Variants in DNAJA2 observed in about 807,000 individuals in gnomAD.
DNAJA2 encodes the protein dnaJ homolog subfamily A member 2.
In DNAJA2, 6 loss-of-function variants were observed where a neutral mutation model predicts 49.3. The observed-to-expected ratio is 0.12, with a 90% CI of 0.07 to 0.24. The LOEUF is 0.24. Among genes scored for constraint, DNAJA2 ranks in the 10% least tolerant of loss-of-function variants. The pLI is 1.00. For synonymous variants in DNAJA2, 160 were observed against 172.7 expected (o/e 0.93, Z 0.58); for missense variants, 347 against 516.8 (o/e 0.67, Z 3.19).
intron 4 of DNAJA2, 130 bp from the exon 5 acceptor site, chr16:46,967,776 G>T: frequency 7.8e-7 from 1 of 1,287,944 alleles, no homozygotes; most frequent in Non-Finnish European, 1.1e-6. Context: ...ACTTCCAGAA[G>T]TATCAGAAAA....
chr16:46,968,384 G>A (rs1962003874), intron 3 of DNAJA2, among the ~76,000 whole-genome samples: 1 of 152,126 alleles, frequency 6.6e-6, no homozygotes, highest in African/African-American at 2.4e-5. Context: ...GATACCCAAA[G>A]CCAGAGCCTA....
At chr16:46,969,602 G>C (rs1962017954) in intron 3 of DNAJA2, among the ~76,000 whole-genome samples, 1 of 152,180 alleles carries the variant, frequency 6.6e-6, no homozygotes, top group African/African-American at 2.4e-5. Context: ...CAATTTAGTT[G>C]TATTTATCAG....
intron 3 of DNAJA2, 151 bp from the exon 4 acceptor site, chr16:46,968,315 G>T: frequency 1.8e-6 from 1 of 567,188 alleles, no homozygotes; most frequent in Non-Finnish European, 3.1e-6. Flanking sequence ...ATTAAACTGA[G>T]GCTTATATTA....
chr16:46,958,945 C>T, intron 8 of DNAJA2, 58 bp downstream of exon 8: 2 of 1,543,468 alleles, frequency 1.3e-6, no homozygotes, highest in Non-Finnish European at 1.7e-6. Flanking sequence ...GTCTAAAAAA[C>T]CAAAAACCGA....
At position 46,971,902 on chromosome 16, in the gene DNAJA2, T is replaced by C. The variant is rs778243787; in HGVS notation, c.132A>G (p.Gly44=). The change falls in exon 2 of 9, where the codon GGA becomes GGG. Residue 44 remains glycine, a synonymous_variant. Coordinates refer to ENST00000317089, the MANE Select transcript of DNAJA2 (RefSeq NM_005880.4). ...AAAGGTGCAAATAACTTACTTTGTC[T>C]CCTGCATTTGGATTCTTATCAGGAT... ...EYHPDKNPNA[G]DKFKEISFAY... is the part of the protein sequence containing the mutation. 6.2e-7 allele frequency: 1 copy of C among 1,612,060 alleles called. No homozygotes were observed. The highest frequency in any genetic ancestry group is 1.7e-4 in the Middle Eastern group (1 of 6,054).
At position 46,956,093 on chromosome 16, in the gene DNAJA2, T is replaced by C. The variant is rs1262955895; in HGVS notation, c.*936A>G. ...GTTCTATGCAGACATGGTTTTACTATAGATTTGCTGTTACCTTATTTTTTT... is the reference window on the plus strand; with the variant it reads ...GTTCTATGCAGACATGGTTTTACTACAGATTTGCTGTTACCTTATTTTTTT... On this transcript the variant is annotated 3_prime_UTR_variant, in exon 9 of 9. Coordinates refer to ENST00000317089, the MANE Select transcript of DNAJA2 (RefSeq NM_005880.4). 1.3e-5 allele frequency: 2 copies of C among 152,196 alleles called. No individual in the cohort carries two copies. Among genetic ancestry groups the C allele is most frequent in the South Asian group, 2.1e-4 (1 of 4,832 alleles). The allele number at this position is 152,196 out of a possible 1,614,324, so 9.4% of individuals were successfully genotyped here.
intron 8 of DNAJA2, 77 bp from the exon 9 acceptor site, chr16:46,957,297 T>C (rs1339840618): frequency 1.5e-6 from 2 of 1,351,882 alleles, no homozygotes; most frequent in Admixed American, 4.4e-5. Context: ...GAATCCAGTG[T>C]CTGTTTAAGA....
chr16:46,973,200 C>T (rs1339029767), intron 1 of DNAJA2, among the ~76,000 whole-genome samples: 2 of 152,158 alleles, frequency 1.3e-5, no homozygotes, highest in Non-Finnish European at 2.9e-5. Flanking sequence ...GGATACCAGC[C>T]CCCGGCGCTC....
chr16:46,964,677 T>C lies in DNAJA2; in HGVS notation c.708A>G (p.Glu236=), dbSNP rs1961944126. The part of the protein sequence containing the change: ...KHGQRITFTG[E]ADQAPGVEPG... ...GTTCCACTCCTGGGGCCTGGTCTGC[T>C]TCCCCAGTGAATGTAATTCTCTGTC... The change falls in exon 6 of 9, where the codon GAA becomes GAG. Residue 236 remains glutamate, a synonymous_variant. Coordinates refer to ENST00000317089, the MANE Select transcript of DNAJA2 (RefSeq NM_005880.4). 1 of 1,614,224 alleles carries C rather than the reference T, an allele frequency of 6.2e-7. No homozygotes were observed. Among genetic ancestry groups the C allele is most frequent in the Non-Finnish European group, 8.5e-7 (1 of 1,180,030 alleles).
intron 6 of DNAJA2, among the ~76,000 whole-genome samples, chr16:46,960,425 T>C (rs140726026): frequency 1.3e-4 from 20 of 152,322 alleles, no homozygotes; most frequent in African/African-American, 3.6e-4. Flanking sequence ...TGCACATATA[T>C]TCAAGTGTTC....
intron 3 of DNAJA2, among the ~76,000 whole-genome samples, 171 bp from the exon 4 acceptor site, chr16:46,968,335 T>C (rs1310444376): frequency 6.6e-6 from 1 of 152,208 alleles, no homozygotes; most frequent in Non-Finnish European, 1.5e-5. Flanking sequence ...ATGGCTCAAA[T>C]TAACAGAAAT....
intron 5 of DNAJA2, among the ~76,000 whole-genome samples, chr16:46,965,883 T>C (rs1025419479): frequency 1.3e-5 from 2 of 149,808 alleles, no homozygotes; most frequent in African/African-American, 4.9e-5. Context: ...ATGAGAAAGA[T>C]TTCAGTTAAC....
chr16:46,973,381 G>C, intron 1 of DNAJA2, 114 bp downstream of exon 1: 1 of 993,280 alleles, frequency 1.0e-6, no homozygotes, highest in Non-Finnish European at 1.3e-6. Flanking sequence ...GCCCGGGCCA[G>C]TCACGGCCGG....
intron 6 of DNAJA2, 41 bp downstream of exon 6, chr16:46,964,570 G>T: frequency 6.4e-7 from 1 of 1,568,914 alleles, no homozygotes; most frequent in Non-Finnish European, 8.6e-7. Context: ...AAGTACTTCT[G>T]AATAAAACAA....
chr16:46,964,297 G>C (rs1054503575), intron 6 of DNAJA2, among the ~76,000 whole-genome samples: 1 of 152,232 alleles, frequency 6.6e-6, no homozygotes, highest in South Asian at 2.1e-4. Flanking sequence ...ACTTGAACCC[G>C]GGAGGCAGAG....
intron 6 of DNAJA2, among the ~76,000 whole-genome samples, chr16:46,963,340 A>G (rs925797325): frequency 2.4e-4 from 37 of 152,122 alleles, no homozygotes; most frequent in Admixed American, 2.3e-3. Flanking sequence ...CAATATGGAC[A>G]TTAAAAATAT....
chr16:46,958,678 C>G (rs1239500387), intron 8 of DNAJA2: 1 of 225,482 alleles, frequency 4.4e-6, no homozygotes, highest in African/African-American at 2.3e-5. Context: ...ACTTGGGTGG[C>G]TAAGGCATGA....
At chr16:46,961,648 C>T (rs1042681750) in intron 6 of DNAJA2, among the ~76,000 whole-genome samples, 3 of 151,018 alleles carry the variant, frequency 2.0e-5, no homozygotes, top group African/African-American at 7.3e-5. Context: ...GAGAGTTCAA[C>T]TGAAAGTGAT....
In DNAJA2 at chr16:46,957,167, T is replaced by G. The variant is rs1961826697; in HGVS notation, c.1101A>C (p.Glu367Asp). ...ATTCCTGAAGCTCTACCTCCTCTGTTTCTCCAATTATGTTAGGAACTTCCG... is the reference window on the plus strand; with the variant it reads ...ATTCCTGAAGCTCTACCTCCTCTGTGTCTCCAATTATGTTAGGAACTTCCG... Reference protein sequence around the residue: ...SRPEVPNIIGETEEVELQEFD... With the variant: ...SRPEVPNIIGDTEEVELQEFD... The change falls in exon 9 of 9, where the codon GAA becomes GAC. Residue 367 changes from glutamate to aspartate, a missense_variant. Coordinates refer to ENST00000317089, the MANE Select transcript of DNAJA2 (RefSeq NM_005880.4). The G allele has an allele frequency of 6.2e-7, 1 of 1,613,928 alleles. No individual in the cohort carries two copies. The highest frequency in any genetic ancestry group is 1.1e-5 in the South Asian group (1 of 91,066).
Sources: allele counts gnomAD v4.1 joint callset (sites outside exome capture counted in the v4.1 genomes callset), GRCh38; gene constraint gnomAD v4.1.1; transcripts MANE v1.5; gene names NCBI Gene and HGNC (gene_info 2026-07-23, HGNC 2026-07-21).